WDR25: variants seen among roughly 807,000 people sequenced by gnomAD.
WDR25 encodes WD repeat-containing protein 25.
A neutral mutation model predicts 47.7 loss-of-function variants in WDR25; 35 were observed. The ratio of observed to expected loss-of-function variants is 0.73; its 90% CI spans 0.56 to 0.97. The LOEUF (loss-of-function observed/expected upper bound fraction) is 0.97, where lower values mean the gene tolerates loss of function less well. Among genes scored for constraint, WDR25 ranks in the 50% least tolerant of loss-of-function variants. The probability of loss-of-function intolerance (pLI) is 0.00; values close to 1 mark genes in which losing one functional copy is unlikely to be tolerated. For synonymous variants in WDR25, 248 were observed against 278.9 expected, an observed-to-expected ratio of 0.89 and a Z score of 1.10; for missense variants, 634 against 704.7, an observed-to-expected ratio of 0.90 and a Z score of 1.14.
At chr14:100,399,981 A>T (rs1897339978) in intron 2 of WDR25, among the ~76,000 whole-genome samples, 1 of 152,188 alleles carries the variant, frequency 6.6e-6, no homozygotes, top group Non-Finnish European at 1.5e-5. Flanking sequence ...AGAGGGTTAG[A>T]TGCATTTGTT....
chr14:100,406,023 C>T (rs749623404), intron 2 of WDR25, among the ~76,000 whole-genome samples: 9 of 152,190 alleles, frequency 5.9e-5, no homozygotes, highest in East Asian at 1.9e-4. Context: ...GGCTTGCCTT[C>T]GGAGAAGATG....
At chr14:100,393,283 T>C (rs531847218) in intron 2 of WDR25, among the ~76,000 whole-genome samples, 23 of 152,350 alleles carry the variant, frequency 1.5e-4, no homozygotes, top group Non-Finnish European at 2.8e-4. Flanking sequence ...ACAGAAGTGC[T>C]CTCTTTCTGA....
At chr14:100,419,006 G>T (rs1250512755) in intron 2 of WDR25, among the ~76,000 whole-genome samples, 4 of 152,166 alleles carry the variant, frequency 2.6e-5, no homozygotes, top group Non-Finnish European at 5.9e-5. Flanking sequence ...ATCACCTGAT[G>T]TCAGGAGTTT....
intron 2 of WDR25, among the ~76,000 whole-genome samples, chr14:100,426,259 T>G (rs1437370895): frequency 1.3e-5 from 2 of 152,240 alleles, no homozygotes; most frequent in Non-Finnish European, 2.9e-5. Flanking sequence ...TTTTCTGCAA[T>G]TACACTTTTC....
intron 2 of WDR25, among the ~76,000 whole-genome samples, chr14:100,395,302 T>TC (rs1303918543): frequency 2.0e-5 from 3 of 152,150 alleles, no homozygotes; most frequent in Non-Finnish European, 2.9e-5. Context: ...GACCTTAGTT[T>TC]CCCCATCGTA....
chr14:100,433,735 A>AG (rs1898411803), intron 2 of WDR25, among the ~76,000 whole-genome samples: 1 of 152,180 alleles, frequency 6.6e-6, no homozygotes, highest in African/African-American at 2.4e-5. Flanking sequence ...TTTAACAGTA[A>AG]GTTATAATAA....
chr14:100,474,882 C>T (rs1899965397), intron 3 of WDR25, among the ~76,000 whole-genome samples: 1 of 152,196 alleles, frequency 6.6e-6, no homozygotes, highest in South Asian at 2.1e-4. Context: ...AGAAAGTTTG[C>T]AAATCATACA....
At chr14:100,419,334 T>A (rs1220057290) in intron 2 of WDR25, among the ~76,000 whole-genome samples, 1 of 152,130 alleles carries the variant, frequency 6.6e-6, no homozygotes, top group East Asian at 1.9e-4. Context: ...CTGTCTACCC[T>A]GTGATGTGAT....
At chr14:100,514,390 G>T (rs1901422458) in intron 4 of WDR25, among the ~76,000 whole-genome samples, 1 of 151,830 alleles carries the variant, frequency 6.6e-6, no homozygotes, top group Non-Finnish European at 1.5e-5. Flanking sequence ...TATGATTATT[G>T]ATATGGTTGG....
rs1900859539 is a variant in WDR25 at position 100,499,889 on chromosome 14, T to G, written c.1101+15765T>G. Reference sequence around the variant, plus strand: ...TGGCCAGGATTCACTGCACACCTGGTGAATGTAGAATTCAGTGTTTGGAGT... The same window carrying G: ...TGGCCAGGATTCACTGCACACCTGGGGAATGTAGAATTCAGTGTTTGGAGT... On this transcript the variant is annotated intron_variant, in intron 4 of 6. Transcript: ENST00000402312. This position sits in a 1 kb window ranked among gnomAD's most constrained non-coding sequence, Gnocchi z 4.4. 6.6e-6 allele frequency among the ~76,000 whole-genome samples: 1 copy of G among 152,148 alleles called. No individual in the cohort carries two copies.
intron 1 of WDR25, among the ~76,000 whole-genome samples, chr14:100,379,449 A>G (rs1280466097): frequency 2.1e-5 from 3 of 144,872 alleles, no homozygotes; most frequent in Non-Finnish European, 3.0e-5. Flanking sequence ...GTGCAGTGGC[A>G]TGATCTCAGC....
chr14:100,434,659 C>T (rs750714778), intron 2 of WDR25, among the ~76,000 whole-genome samples: 2 of 152,156 alleles, frequency 1.3e-5, no homozygotes, highest in Non-Finnish European at 2.9e-5. Context: ...TTTGTGTGAA[C>T]CACGGACATT....
chr14:100,469,397 C>T (rs973518335), intron 3 of WDR25, among the ~76,000 whole-genome samples: 4 of 152,190 alleles, frequency 2.6e-5, no homozygotes, highest in African/African-American at 9.7e-5. Flanking sequence ...CACAGCATGT[C>T]TAATCCTCAC....
At chr14:100,396,166 T>C (rs1326493381) in intron 2 of WDR25, among the ~76,000 whole-genome samples, 1 of 151,684 alleles carries the variant, frequency 6.6e-6, no homozygotes, top group Non-Finnish European at 1.5e-5. Context: ...GTAGTAGAGA[T>C]GGGGTTTCAC....
In WDR25 at chr14:100,468,771, G is replaced by A. The variant is rs1251713864; in HGVS notation, c.970+603G>A. On this transcript the variant is annotated intron_variant, in intron 3 of 6. Transcript: ENST00000402312. The surrounding 1 kb of genome is among the most constrained non-coding windows in gnomAD (Gnocchi z 4.5). ...ACTGTCAATACCCACCGCAGCCACA[G>A]CCCCCAGGTGGGCTCTCTCCGGGGT... Among the ~76,000 whole-genome samples, 1 of 152,066 alleles carries A rather than the reference G, an allele frequency of 6.6e-6. No homozygotes were observed. The highest frequency in any genetic ancestry group is 2.4e-5 in the African/African-American group (1 of 41,386).
intron 5 of WDR25, among the ~76,000 whole-genome samples, chr14:100,527,279 G>A (rs999048357): frequency 1.3e-5 from 2 of 150,540 alleles, no homozygotes; most frequent in African/African-American, 4.9e-5. Flanking sequence ...CACCGTGATT[G>A]TCACCACCAC....
intron 3 of WDR25, among the ~76,000 whole-genome samples, chr14:100,470,974 T>C (rs763031476): frequency 6.6e-6 from 1 of 152,222 alleles, no homozygotes; most frequent in Non-Finnish European, 1.5e-5. Flanking sequence ...AATTCAACTC[T>C]TGAAGGCCCC....
At chr14:100,413,116 C>T (rs1415068558) in intron 2 of WDR25, among the ~76,000 whole-genome samples, 1 of 152,218 alleles carries the variant, frequency 6.6e-6, no homozygotes. Flanking sequence ...AGGCATGAGT[C>T]ACCACAACTG....
chr14:100,447,634 G>T (rs1898881326), intron 2 of WDR25, among the ~76,000 whole-genome samples: 1 of 152,156 alleles, frequency 6.6e-6, no homozygotes, highest in Non-Finnish European at 1.5e-5. Flanking sequence ...GAGGTGGGTG[G>T]TATTGAGCAG....
Sources: gnomAD v4.1 joint callset for allele counts (sites outside exome capture counted in the v4.1 genomes callset) on GRCh38, gnomAD v4.1.1 for gene constraint, Gnocchi (gnomAD v3.1) non-coding constraint, MANE v1.5 for transcripts, NCBI Gene and HGNC (gene_info 2026-07-23, HGNC 2026-07-21) for gene names.